NRXN3: variants seen among roughly 807,000 people sequenced by gnomAD.
The protein encoded by NRXN3 is neurexin 3.
NRXN3 carries 32 observed loss-of-function variants against 137.6 expected under a neutral mutation model. That is an observed-to-expected ratio of 0.23 (90% CI 0.18 to 0.31). NRXN3 has a LOEUF of 0.31. Among genes scored for constraint, NRXN3 ranks in the 10% least tolerant of loss-of-function variants. NRXN3 has a pLI of 1.00. For missense variants in NRXN3, 1,574 were observed against 2,062.5 expected (o/e 0.76, Z 4.59); for synonymous variants, 798 against 784.5 (o/e 1.02, Z -0.29).
chr14:78,726,455 T>G (rs1421056090), intron 8 of NRXN3, among the ~76,000 whole-genome samples: 1 of 58,022 alleles, frequency 1.7e-5, no homozygotes, highest in Non-Finnish European at 3.6e-5. Flanking sequence ...TTTTCTGTTC[T>G]TGTAAACACT....
chr14:78,846,042 T>C (rs932331012), intron 10 of NRXN3, among the ~76,000 whole-genome samples: 2 of 152,018 alleles, frequency 1.3e-5, no homozygotes, highest in Non-Finnish European at 1.5e-5. Flanking sequence ...TTTGCTTTCA[T>C]ACAGCCATTC....
At position 79,858,144 on chromosome 14, in the gene NRXN3, C is replaced by CTT. The variant is rs561232071; in HGVS notation, c.4094-3183_4094-3182dup. Among the ~76,000 whole-genome samples the CTT allele has an allele frequency of 1.1e-3, 151 of 141,098 alleles. 1 individual carries two copies. In the East Asian group the frequency reaches 0.014, roughly 13 times the overall value. The allele number at this position is 141,098 out of a possible 152,430, so 92.6% of individuals were successfully genotyped here. On this transcript the variant is annotated intron_variant, in intron 20 of 20. Coordinates refer to ENST00000335750, the MANE Select transcript of NRXN3 (RefSeq NM_001330195.2). ...TAGAGTTATAAAAAATGTGGTTACT[C>CTT]TTTTTTTTTTTTTTTTAAATCTAAG...
At chr14:78,468,213 C>A (rs116350954) in intron 4 of NRXN3, among the ~76,000 whole-genome samples, 2,294 of 152,254 alleles carry the variant, frequency 0.015, 57 homozygotes, top group African/African-American at 0.053. Context: ...ATTGCTGTGT[C>A]ATAAAGCACC....
At chr14:79,199,049 C>T (rs1054514189) in intron 15 of NRXN3, among the ~76,000 whole-genome samples, 1 of 152,126 alleles carries the variant, frequency 6.6e-6, no homozygotes, top group Non-Finnish European at 1.5e-5. Context: ...CGCCTGTAGT[C>T]CCAGCTACTC....
intron 4 of NRXN3, chr14:78,526,701 G>C (rs568878615): frequency 2.0e-6 from 1 of 510,222 alleles, no homozygotes; most frequent in Non-Finnish European, 3.9e-6. Context: ...AAGCACTTTC[G>C]TGCATTATTA....
chr14:79,245,211 C>T (rs1199997496), intron 15 of NRXN3, among the ~76,000 whole-genome samples: 2 of 152,184 alleles, frequency 1.3e-5, no homozygotes, highest in Non-Finnish European at 2.9e-5. Flanking sequence ...CTAGTTCCAG[C>T]ACTGCTGCCC....
intron 10 of NRXN3, among the ~76,000 whole-genome samples, chr14:78,891,491 T>C (rs963478220): frequency 1.3e-5 from 2 of 151,914 alleles, no homozygotes; most frequent in Admixed American, 1.3e-4. Context: ...GGGAGCTCAC[T>C]GTACATCCAT....
chr14:79,732,039 A>G (rs2098925718), intron 19 of NRXN3, among the ~76,000 whole-genome samples: 1 of 152,038 alleles, frequency 6.6e-6, no homozygotes, highest in Admixed American at 6.6e-5. Context: ...TAGAAATACA[A>G]AGTGAACAAA....
chr14:78,952,116 C>T (rs1189952390), intron 10 of NRXN3, among the ~76,000 whole-genome samples: 1 of 152,182 alleles, frequency 6.6e-6, no homozygotes, highest in Non-Finnish European at 1.5e-5. Flanking sequence ...GCACCTTCCA[C>T]ACCTGTTGTA....
chr14:78,206,950 G>A (rs2062248926), intron 1 of NRXN3, among the ~76,000 whole-genome samples: 1 of 151,948 alleles, frequency 6.6e-6, no homozygotes, highest in South Asian at 2.1e-4. Flanking sequence ...TGCAACTTCT[G>A]CCTCCCGGGT....
intron 4 of NRXN3, among the ~76,000 whole-genome samples, chr14:78,597,413 CA>C (rs2097166318): frequency 2.0e-5 from 3 of 152,206 alleles, no homozygotes; most frequent in Non-Finnish European, 4.4e-5. Flanking sequence ...ATGTTGATTA[CA>C]AAAACTGAAG....
intron 2 of NRXN3, among the ~76,000 whole-genome samples, chr14:78,266,141 A>T (rs930629544): frequency 5.3e-5 from 8 of 151,934 alleles, no homozygotes; most frequent in Non-Finnish European, 1.2e-4. Context: ...TTTTGTTTTT[A>T]CTGTTTTTAA....
At chr14:78,790,408 A>C (rs2098801742) in intron 8 of NRXN3, among the ~76,000 whole-genome samples, 1 of 152,186 alleles carries the variant, frequency 6.6e-6, no homozygotes, top group African/African-American at 2.4e-5. Flanking sequence ...GTTAGTTTTC[A>C]ACCTTGTCCA....
At chr14:78,826,602 A>G (rs1252812404) in intron 10 of NRXN3, among the ~76,000 whole-genome samples, 1 of 152,228 alleles carries the variant, frequency 6.6e-6, no homozygotes, top group African/African-American at 2.4e-5. Flanking sequence ...AAAAGTAGGT[A>G]ATAATATTAT....
intron 20 of NRXN3, among the ~76,000 whole-genome samples, chr14:79,808,253 A>ATATAT (rs1253566704): frequency 1.2e-4 from 16 of 129,084 alleles, no homozygotes; most frequent in East Asian, 6.3e-4. Context: ...AAAAAAAAAA[A>ATATAT]AAATATATAT....
chr14:78,175,786 C>T (rs111673843), intron 1 of NRXN3, among the ~76,000 whole-genome samples: 2 of 152,342 alleles, frequency 1.3e-5, no homozygotes, highest in African/African-American at 4.8e-5. Flanking sequence ...CTCAGAGAGA[C>T]CTTTCCTGAC....
chr14:79,294,712 G>A (rs1304862192), intron 15 of NRXN3, among the ~76,000 whole-genome samples: 1 of 152,170 alleles, frequency 6.6e-6, no homozygotes, highest in Non-Finnish European at 1.5e-5. Flanking sequence ...AAACAGCAGA[G>A]AGGAGTGTTT....
intron 6 of NRXN3, among the ~76,000 whole-genome samples, chr14:78,705,976 G>A (rs1302545596): frequency 6.6e-6 from 1 of 152,170 alleles, no homozygotes; most frequent in African/African-American, 2.4e-5. Flanking sequence ...CCCAGTCTCA[G>A]TTAGGTACCC....
intron 15 of NRXN3, among the ~76,000 whole-genome samples, chr14:79,070,129 T>C (rs987657149): frequency 6.6e-6 from 1 of 152,168 alleles, no homozygotes; most frequent in Non-Finnish European, 1.5e-5. Flanking sequence ...GCCTTTGCAT[T>C]GTACACAAGC....
Sources: allele counts gnomAD v4.1 joint callset (sites outside exome capture counted in the v4.1 genomes callset), GRCh38; gene constraint gnomAD v4.1.1; transcripts MANE v1.5; gene names NCBI Gene and HGNC (gene_info 2026-07-23, HGNC 2026-07-21).